Variants in UHRF2 observed in about 807,000 individuals in gnomAD.
UHRF2 encodes ubiquitin like with PHD and ring finger domains 2, also known as E3 ubiquitin-protein ligase UHRF2.
In UHRF2, 23 loss-of-function variants were observed where a neutral mutation model predicts 96.8. The ratio of observed to expected loss-of-function variants is 0.24; its 90% CI spans 0.17 to 0.34. The LOEUF is 0.34. Among genes scored for constraint, UHRF2 ranks in the 10% least tolerant of loss-of-function variants. The probability of loss-of-function intolerance (pLI) is 1.00; values close to 1 mark genes in which losing one functional copy is unlikely to be tolerated. For missense variants in UHRF2, 685 were observed against 981.5 expected, an observed-to-expected ratio of 0.70 and a Z score of 4.04; for synonymous variants, 385 against 332.6, an observed-to-expected ratio of 1.16 and a Z score of -1.72.
chr9:6,431,604 G>T (rs1820566568), intron 2 of UHRF2, among the ~76,000 whole-genome samples: 1 of 152,128 alleles, frequency 6.6e-6, no homozygotes, highest in African/African-American at 2.4e-5. Flanking sequence ...CTTACGTCCA[G>T]TTGTAAATCT....
At chr9:6,481,823 A>C in intron 7 of UHRF2, 57 bp downstream of exon 7, 30 of 1,579,290 alleles carry the variant, frequency 1.9e-5, no homozygotes, top group Middle Eastern at 1.7e-4. Flanking sequence ...ATAATGTTTT[A>C]ATACCAATAG....
chr9:6,436,666 T>C (rs185292030), intron 3 of UHRF2, among the ~76,000 whole-genome samples: 24 of 152,344 alleles, frequency 1.6e-4, no homozygotes, highest in Admixed American at 7.8e-4. Flanking sequence ...TAGGGGCTCT[T>C]AAAGTTGCTT....
chr9:6,433,803 A>G (rs1820685171), intron 2 of UHRF2, 111 bp from the exon 3 acceptor site: 1 of 1,071,534 alleles, frequency 9.3e-7, no homozygotes, highest in African/African-American at 1.6e-5. Context: ...AAACATGAGT[A>G]GCTGCAAATA....
chr9:6,500,953 A>G (rs1420800910), intron 14 of UHRF2, among the ~76,000 whole-genome samples: 4 of 152,182 alleles, frequency 2.6e-5, no homozygotes, highest in Admixed American at 6.5e-5. Flanking sequence ...ACTTTGAGGT[A>G]CTGTTCCTCA....
intron 8 of UHRF2, among the ~76,000 whole-genome samples, chr9:6,482,459 A>G (rs997723318): frequency 1.3e-5 from 2 of 152,208 alleles, no homozygotes; most frequent in Non-Finnish European, 2.9e-5. Context: ...AGCTTGTTTC[A>G]GGTGTTGTTT....
chr9:6,471,044 A>G (rs920615578), intron 4 of UHRF2, among the ~76,000 whole-genome samples: 1 of 152,212 alleles, frequency 6.6e-6, no homozygotes, highest in Non-Finnish European at 1.5e-5. Flanking sequence ...AAAATCACAG[A>G]AGTTGAAAAG....
chr9:6,453,395 A>G (rs962255876), intron 3 of UHRF2, among the ~76,000 whole-genome samples: 5 of 152,214 alleles, frequency 3.3e-5, no homozygotes, highest in African/African-American at 9.6e-5. Flanking sequence ...GTGTTGTCCA[A>G]GTAATTTTCA....
chr9:6,482,140 C>T, intron 8 of UHRF2, 41 bp downstream of exon 8: 1 of 1,495,178 alleles, frequency 6.7e-7, no homozygotes. Flanking sequence ...GGAGAATTGG[C>T]TATCAGATTA....
chr9:6,431,443 C>A (rs2130760255), intron 2 of UHRF2, among the ~76,000 whole-genome samples: 1 of 152,118 alleles, frequency 6.6e-6, no homozygotes, highest in African/African-American at 2.4e-5. Context: ...TCTGTCTCTA[C>A]AAGAAGTAAC....
intron 3 of UHRF2, among the ~76,000 whole-genome samples, chr9:6,455,675 G>C (rs1310624582): frequency 6.6e-6 from 1 of 152,122 alleles, no homozygotes; most frequent in East Asian, 1.9e-4. Flanking sequence ...GATGATATCA[G>C]GAAGTTAGGC....
In UHRF2 at chr9:6,475,484, A is replaced by G. The variant is rs761700892; in HGVS notation, c.957A>G (p.Ala319=). 1 of 1,588,542 alleles carries G rather than the reference A, an allele frequency of 6.3e-7. No individual in the cohort carries two copies. The highest frequency in any genetic ancestry group is 8.6e-7 in the Non-Finnish European group (1 of 1,166,822). The stretch of plus-strand genomic sequence containing the variant: ...CTGGAGCCCATCCCCTTTCATTTGC[A>G]GATGGAAAGTTTTTAAGTATGGATT... ...ERPGAHPLSF[A]DGKFLRRNDP... The change falls in exon 5 of 16, where the codon GCA becomes GCG. Residue 319 remains alanine, a synonymous_variant. Coordinates refer to ENST00000276893, the MANE Select transcript of UHRF2 (RefSeq NM_152896.3).
chr9:6,413,353 C>T lies in UHRF2; in HGVS notation c.-138C>T, dbSNP rs1035234498. ...CGTCGCCGCCTGTCGGGCCCGGCGT[C>T]CGGTCGGTCCGGTGGGCGCGCTCGC... On this transcript the variant is annotated 5_prime_UTR_variant, in exon 1 of 16. Coordinates refer to ENST00000276893, the MANE Select transcript of UHRF2 (RefSeq NM_152896.3). The T allele has an allele frequency of 1.2e-6, 1 of 860,476 alleles. No individual in the cohort carries two copies. The highest frequency in any genetic ancestry group is 5.9e-5 in the South Asian group (1 of 17,028). The allele number at this position is 860,476 out of a possible 1,614,324, so 53.3% of individuals were successfully genotyped here. A position where few individuals can be genotyped will look rare whatever the true frequency, so the allele number is the denominator to read the frequency against.
intron 8 of UHRF2, among the ~76,000 whole-genome samples, chr9:6,483,946 C>T (rs1379455622): frequency 1.3e-5 from 2 of 152,180 alleles, no homozygotes; most frequent in Non-Finnish European, 2.9e-5. Flanking sequence ...GTCTCAGCCT[C>T]CCAAAGTGCT....
intron 4 of UHRF2, among the ~76,000 whole-genome samples, chr9:6,473,306 A>G (rs982134273): frequency 5.9e-5 from 9 of 152,234 alleles, no homozygotes; most frequent in African/African-American, 2.2e-4. Context: ...ATAGTAACAC[A>G]GTCAGTATGG....
rs1038338467 is a variant in UHRF2, at chr9:6,500,786, T to A, written c.2163+77T>A. On this transcript the variant is annotated intron_variant, in intron 14 of 15. Coordinates refer to ENST00000276893, the MANE Select transcript of UHRF2 (RefSeq NM_152896.3). ...ATAATTGTCTCATGAAGTCTGTTTT[T>A]CACACATCAGTCAAAACTTCATCCT... 2.2e-6 allele frequency: 3 copies of A among 1,378,708 alleles called. No individual in the cohort carries two copies. The South Asian group carries it at 4.4e-5, about 20-fold the overall frequency. 85.4% of individuals were successfully genotyped at this position (1,378,708 alleles called of 1,614,324 possible).
At chr9:6,477,898 C>T in intron 6 of UHRF2, 90 bp downstream of exon 6, 1 of 1,221,190 alleles carries the variant, frequency 8.2e-7, no homozygotes. Context: ...TCTAAAGATA[C>T]ATAATATAAA....
At chr9:6,469,774 GTGTATATATA>G (rs1286688565) in intron 4 of UHRF2, among the ~76,000 whole-genome samples, 5 of 149,712 alleles carry the variant, frequency 3.3e-5, no homozygotes, top group African/African-American at 9.8e-5. Context: ...GTATATATGT[GTGTATATATA>G]TGTATATATG....
At chr9:6,481,921 A>G (rs1184109970) in intron 7 of UHRF2, 71 bp from the exon 8 acceptor site, 9 of 1,568,308 alleles carry the variant, frequency 5.7e-6, no homozygotes, top group African/African-American at 2.7e-5. Context: ...TCCTAGTCAC[A>G]TCTCAGAATT....
intron 3 of UHRF2, among the ~76,000 whole-genome samples, chr9:6,439,676 GAACTTTGACAGCAGAA>G (rs1821048636): frequency 1.3e-5 from 2 of 152,152 alleles, no homozygotes; most frequent in African/African-American, 4.8e-5. Context: ...TACTCAGGGA[GAACTTTGACAGCAGAA>G]TTATTAAATT....
Sources: allele counts gnomAD v4.1 joint callset (sites outside exome capture counted in the v4.1 genomes callset), GRCh38; gene constraint gnomAD v4.1.1; transcripts MANE v1.5; gene names NCBI Gene and HGNC (gene_info 2026-07-23, HGNC 2026-07-21).